Variants in TTC21B observed in about 807,000 individuals in gnomAD.
TTC21B encodes the protein tetratricopeptide repeat protein 21B.
Under a neutral mutation model 175.1 loss-of-function variants are expected in TTC21B, and 127 were observed. That is an observed-to-expected ratio of 0.73 (90% confidence interval 0.63 to 0.84). TTC21B has a LOEUF of 0.84. TTC21B is among the 40% of genes least tolerant of loss of function. The pLI is 0.00. For synonymous variants in TTC21B, 524 were observed against 524.5 expected, an observed-to-expected ratio of 1.00 and a Z score of 0.01; for missense variants, 1,561 against 1,558.3, an observed-to-expected ratio of 1.00 and a Z score of -0.03.
At chr2:165,934,517 A>AAAAG (rs1553514804) in intron 6 of TTC21B, among the ~76,000 whole-genome samples, 4 of 116,588 alleles carry the variant, frequency 3.4e-5, no homozygotes, top group African/African-American at 1.3e-4. Flanking sequence ...AAAAAAAAAA[A>AAAAG]AAAAGAAAAG....
intron 19 of TTC21B, among the ~76,000 whole-genome samples, chr2:165,904,198 T>C (rs567149098): frequency 6.8e-6 from 1 of 146,662 alleles, no homozygotes; most frequent in Non-Finnish European, 1.5e-5. Context: ...GATTACACTT[T>C]CCTTGTAGCT....
chr2:165,899,244 C>G (rs533496747), intron 21 of TTC21B, among the ~76,000 whole-genome samples: 6 of 152,180 alleles, frequency 3.9e-5, no homozygotes, highest in African/African-American at 1.4e-4. Context: ...TTCTTTTTAA[C>G]CACAATAACC....
chr2:165,917,582 C>A, intron 13 of TTC21B, 101 bp from the exon 14 acceptor site: 1 of 961,540 alleles, frequency 1.0e-6, no homozygotes, highest in Non-Finnish European at 1.6e-6. Flanking sequence ...GAGAACAGTC[C>A]ATCTTTGATT....
intron 17 of TTC21B, 30 bp downstream of exon 17, chr2:165,912,484 C>T (rs1242446113): frequency 6.5e-7 from 1 of 1,539,780 alleles, no homozygotes; most frequent in Non-Finnish European, 9.0e-7. Context: ...TTTGATGCAA[C>T]AGACATATTT....
In TTC21B at chr2:165,917,399, A is replaced by G. The variant is rs757261493; in HGVS notation, c.1757T>C (p.Leu586Pro). The G allele has an allele frequency of 8.7e-6, 14 of 1,614,148 alleles. No individual in the cohort carries two copies. Among genetic ancestry groups the G allele is most frequent in the Non-Finnish European group, 1.2e-5 (14 of 1,180,024 alleles). ...TCCTGGTAAACTCATTGCCATATGC[A>G]GTGTTTTAATTGCGTCTGCTATTTC... ...MGEIADAIKTLHMAMSLPGMK... is the reference protein window; with the variant it reads ...MGEIADAIKTPHMAMSLPGMK... The change falls in exon 14 of 29, where the codon CTG (leucine) becomes CCG (proline). Residue 586 changes from leucine to proline, a missense_variant. Leu to Pro is a moderately conservative substitution (Grantham distance 98). Transcript: ENST00000243344.
At chr2:165,900,365 G>A (rs1473217866) in intron 20 of TTC21B, among the ~76,000 whole-genome samples, 5 of 152,142 alleles carry the variant, frequency 3.3e-5, no homozygotes, top group African/African-American at 7.2e-5. Context: ...CCGTTTATCT[G>A]AAAAAATTAT....
chr2:165,912,389 G>A, intron 17 of TTC21B, 125 bp downstream of exon 17: 2 of 789,092 alleles, frequency 2.5e-6, no homozygotes, highest in East Asian at 2.5e-5. Flanking sequence ...ACAAATCCCA[G>A]TTCATAAATA....
chr2:165,917,229 C>T (rs768718616), intron 14 of TTC21B, 28 bp downstream of exon 14: 22 of 1,588,710 alleles, frequency 1.4e-5, no homozygotes, highest in Middle Eastern at 1.7e-4. Context: ...AGTTCACATC[C>T]GAGCCCTTAA....
At chr2:165,939,746 A>G (rs1263117496) in intron 6 of TTC21B, among the ~76,000 whole-genome samples, 1 of 152,134 alleles carries the variant, frequency 6.6e-6, no homozygotes, top group Non-Finnish European at 1.5e-5. Context: ...TACAATGTTG[A>G]AAGCTAAACT....
At chr2:165,879,314 T>C (rs1684768158) in intron 27 of TTC21B, among the ~76,000 whole-genome samples, 2 of 152,222 alleles carry the variant, frequency 1.3e-5, no homozygotes, top group Non-Finnish European at 2.9e-5. Context: ...TTTAAGGATA[T>C]TTAAGGACTT....
Position 165,888,338 on chromosome 2 carries a change from T to G in TTC21B, c.3400A>C (p.Lys1134Gln), listed in dbSNP as rs1559040662. The G allele has an allele frequency of 6.2e-7, 1 of 1,613,952 alleles. No individual in the cohort carries two copies. The highest frequency in any genetic ancestry group is 1.7e-4 in the Middle Eastern group (1 of 6,056). The change falls in exon 25 of 29, where the codon AAA becomes CAA. Residue 1134 changes from lysine (K) to glutamine (Q), a missense_variant. By Grantham distance (53) the Lys-to-Gln change is moderately conservative (BLOSUM62 1). Transcript: ENST00000243344. ...GCTTGTTCAACATTAGATTTCTGTTTGGTAGCCATTAAGCAATAGTTTTCC... is the reference window on the plus strand; with the variant it reads ...GCTTGTTCAACATTAGATTTCTGTTGGGTAGCCATTAAGCAATAGTTTTCC... ...IMENYCLMAT[K>Q]QKSNVEQALN... is the part of the protein sequence containing the mutation.
At chr2:165,953,345 A>C (rs1687818342) in intron 1 of TTC21B, among the ~76,000 whole-genome samples, 1 of 152,152 alleles carries the variant, frequency 6.6e-6, no homozygotes. Context: ...GTTTGCCTTA[A>C]GTCCTTAAAA....
chr2:165,939,129 T>C (rs1687274201), intron 6 of TTC21B, among the ~76,000 whole-genome samples: 1 of 152,096 alleles, frequency 6.6e-6, no homozygotes, highest in Non-Finnish European at 1.5e-5. Flanking sequence ...GTGGTGACGG[T>C]AGCTAGGGGC....
At chr2:165,886,323 T>C (rs1294328267) in intron 25 of TTC21B, among the ~76,000 whole-genome samples, 1 of 152,196 alleles carries the variant, frequency 6.6e-6, no homozygotes, top group African/African-American at 2.4e-5. Flanking sequence ...ATGTAACACA[T>C]TTTGCTTTGT....
intron 20 of TTC21B, 56 bp downstream of exon 20, chr2:165,901,666 G>C: frequency 6.5e-7 from 1 of 1,533,428 alleles, no homozygotes. Flanking sequence ...TTACATCTGA[G>C]GAAATTAGAA....
At chr2:165,886,786 T>C (rs890034835) in intron 25 of TTC21B, among the ~76,000 whole-genome samples, 7 of 152,308 alleles carry the variant, frequency 4.6e-5, no homozygotes, top group African/African-American at 9.6e-5. Flanking sequence ...TGAGATAGAA[T>C]AGCACATCAC....
intron 15 of TTC21B, among the ~76,000 whole-genome samples, chr2:165,914,690 T>TGTGTGTGTGTACGTGCGCGCGCGC (rs1686093535): frequency 6.7e-6 from 1 of 149,464 alleles, no homozygotes; most frequent in African/African-American, 2.5e-5. Flanking sequence ...TGTGTGTGTG[T>TGTGTGTGTGTACGTGCGCGCGCGC]GTGTGTGTTG....
chr2:165,951,092 C>A (rs1687749789), intron 1 of TTC21B, among the ~76,000 whole-genome samples: 1 of 152,210 alleles, frequency 6.6e-6, no homozygotes, highest in African/African-American at 2.4e-5. Flanking sequence ...CAGACCCCCA[C>A]AACACATTTC....
At position 165,880,666 on chromosome 2, in the gene TTC21B, T is replaced by A. The variant is rs529123534; in HGVS notation, c.3805+13A>T. Reference sequence around the variant, plus strand: ...ATTTTTCTGTGAAAAATCTAGGTGATTGCCAAACTCACCTACTGCCGGATT... The same window carrying A: ...ATTTTTCTGTGAAAAATCTAGGTGAATGCCAAACTCACCTACTGCCGGATT... On this transcript the variant is annotated intron_variant, in intron 27 of 28. Coordinates refer to ENST00000243344, the MANE Select transcript of TTC21B (RefSeq NM_024753.5). 6 of 1,613,278 alleles carry A rather than the reference T, an allele frequency of 3.7e-6. No homozygotes were observed. Among genetic ancestry groups the A allele is most frequent in the Non-Finnish European group, 4.2e-6 (5 of 1,179,604 alleles).
Sources: gnomAD v4.1 joint callset for allele counts (sites outside exome capture counted in the v4.1 genomes callset) on GRCh38, gnomAD v4.1.1 for gene constraint, MANE v1.5 for transcripts, NCBI Gene and HGNC (gene_info 2026-07-23, HGNC 2026-07-21) for gene names.